PRKG2: variants seen among roughly 807,000 people sequenced by gnomAD.
PRKG2 encodes the protein cGMP-dependent protein kinase 2.
A neutral mutation model predicts 97.2 loss-of-function variants in PRKG2; 33 were observed. That is an observed-to-expected ratio of 0.34 (90% CI 0.26 to 0.45). The LOEUF is 0.45. Ranked by LOEUF, PRKG2 falls within the 20% of genes least tolerant of loss-of-function variation. PRKG2 has a pLI of 1.00. For synonymous variants in PRKG2, 330 were observed against 321.8 expected (o/e 1.03, Z -0.27); for missense variants, 638 against 900.0 (o/e 0.71, Z 3.73).
At chr4:81,091,919 T>G (rs992740691) in intron 18 of PRKG2, among the ~76,000 whole-genome samples, 6 of 152,200 alleles carry the variant, frequency 3.9e-5, no homozygotes, top group African/African-American at 1.4e-4. Flanking sequence ...TCACTTGGGA[T>G]TTAGAAAATT....
At chr4:81,170,357 T>C (rs79496953) in intron 4 of PRKG2, among the ~76,000 whole-genome samples, 3,844 of 152,122 alleles carry the variant, frequency 0.025, 169 homozygotes, top group African/African-American at 0.088. Context: ...TAAGGGCAAG[T>C]ATAAAATTTA....
Position 81,140,654 on chromosome 4 carries a change from C to T in PRKG2, c.1423G>A (p.Glu475Lys). The T allele has an allele frequency of 6.2e-7, 1 of 1,607,826 alleles. No individual in the cohort carries two copies. The highest frequency in any genetic ancestry group is 2.2e-5 in the East Asian group (1 of 44,782). ...CACTTCATAGCAAAAGCAACATTCT[C>T]ATTTTTTACTTTAACCTATGTAAGA... ...GRVELVKVKN[E>K]NVAFAMKCIR... Residue 475 changes from glutamate to lysine, a missense_variant, in exon 12 of 19, where the codon GAG becomes AAG. Transcript: ENST00000264399.
At chr4:81,120,427 A>T (rs1002553222) in intron 14 of PRKG2, among the ~76,000 whole-genome samples, 6 of 152,152 alleles carry the variant, frequency 3.9e-5, no homozygotes, top group African/African-American at 1.4e-4. Context: ...TGAGTCTTTC[A>T]ATCGATGAAC....
At chr4:81,104,255 GA>G in intron 17 of PRKG2, 114 bp downstream of exon 17, 1 of 565,996 alleles carries the variant, frequency 1.8e-6, no homozygotes, top group South Asian at 3.0e-5. Context: ...GCACTATAAA[GA>G]AAAATTTGAA....
At chr4:81,134,169 T>A (rs1578397875) in intron 14 of PRKG2, among the ~76,000 whole-genome samples, 1 of 152,188 alleles carries the variant, frequency 6.6e-6, no homozygotes, top group Admixed American at 6.5e-5. Flanking sequence ...GAGAAAAATA[T>A]CTTAGCATTT....
chr4:81,155,453 T>G (rs963168149), intron 6 of PRKG2, among the ~76,000 whole-genome samples: 1 of 152,012 alleles, frequency 6.6e-6, no homozygotes, highest in Non-Finnish European at 1.5e-5. Flanking sequence ...CTACGTCTGA[T>G]TGGTGTACCT....
At chr4:81,159,044 G>A (rs891690771) in intron 6 of PRKG2, among the ~76,000 whole-genome samples, 2 of 152,028 alleles carry the variant, frequency 1.3e-5, no homozygotes, top group African/African-American at 4.8e-5. Context: ...CGGGACATAG[G>A]CATGGGCAAG....
intron 5 of PRKG2, among the ~76,000 whole-genome samples, chr4:81,169,183 A>G (rs763785522): frequency 4.6e-5 from 7 of 152,056 alleles, no homozygotes; most frequent in Non-Finnish European, 8.8e-5. Context: ...TAGCAAGTCA[A>G]TTTGCTACAA....
At chr4:81,208,316 A>C (rs1753789419) in intron 1 of PRKG2, among the ~76,000 whole-genome samples, 1 of 152,174 alleles carries the variant, frequency 6.6e-6, no homozygotes, top group Non-Finnish European at 1.5e-5. Flanking sequence ...ATAGTATGTA[A>C]CTAGAAACAG....
Position 81,194,427 on chromosome 4 carries a change from G to A in PRKG2, c.461+10160C>T, listed in dbSNP as rs192568412. 4.8e-4 allele frequency among the ~76,000 whole-genome samples: 72 copies of A among 151,232 alleles called. 1 individual carries two copies. In the East Asian group the frequency reaches 0.014, roughly 29 times the overall value. On this transcript the variant is annotated intron_variant, in intron 2 of 18. Transcript: ENST00000264399. ...CCAAAAAAAAAAAAACCTAATAAAT[G>A]CACAAGTTTATAATTTGAGAAACTA... is the stretch of plus-strand genomic sequence containing the variant.
chr4:81,156,327 CAAAG>C (rs1477476872), intron 6 of PRKG2, among the ~76,000 whole-genome samples: 1 of 152,040 alleles, frequency 6.6e-6, no homozygotes, highest in Non-Finnish European at 1.5e-5. Context: ...TCAAAAGAGA[CAAAG>C]AAGGCCATTA....
intron 14 of PRKG2, among the ~76,000 whole-genome samples, chr4:81,134,951 A>C (rs1746528941): frequency 6.6e-6 from 1 of 152,208 alleles, no homozygotes; most frequent in African/African-American, 2.4e-5. Flanking sequence ...TAGGAGTCAC[A>C]AATATGGTTA....
chr4:81,157,368 A>T (rs1749197989), intron 6 of PRKG2, among the ~76,000 whole-genome samples: 1 of 152,228 alleles, frequency 6.6e-6, no homozygotes, highest in Admixed American at 6.5e-5. Flanking sequence ...CACTCTCCCA[A>T]GACTAAACCA....
intron 14 of PRKG2, among the ~76,000 whole-genome samples, chr4:81,118,242 A>G (rs1291787516): frequency 6.6e-6 from 1 of 152,200 alleles, no homozygotes; most frequent in Non-Finnish European, 1.5e-5. Flanking sequence ...TCACCTACTG[A>G]CGGATACTGT....
intron 2 of PRKG2, among the ~76,000 whole-genome samples, chr4:81,189,066 T>TAAAATA (rs1752192390): frequency 4.7e-4 from 8 of 17,056 alleles, no homozygotes; most frequent in African/African-American, 1.6e-3. Flanking sequence ...AAAAAAATAA[T>TAAAATA]AAAAAAAAAA....
intron 17 of PRKG2, among the ~76,000 whole-genome samples, chr4:81,099,794 GA>G (rs1742529782): frequency 1.3e-5 from 2 of 152,190 alleles, no homozygotes; most frequent in South Asian, 4.1e-4. Context: ...CAGATGACAT[GA>G]TTGTGTATCT....
In PRKG2 at chr4:81,131,460, C is replaced by G. The variant is rs114408621; in HGVS notation, c.1776+3695G>C. ...TGAAGTGGTTTTTTAAGATGCTGACCATTTTAAAAAATTGATTTGTCTTTT... is the reference window on the plus strand; with the variant it reads ...TGAAGTGGTTTTTTAAGATGCTGACGATTTTAAAAAATTGATTTGTCTTTT... On this transcript the variant is annotated intron_variant, in intron 14 of 18. Transcript: ENST00000264399. Among the ~76,000 whole-genome samples the G allele has an allele frequency of 4.3e-3, 656 of 152,260 alleles. 4 individuals carry two copies. Among genetic ancestry groups the G allele is most frequent in the African/African-American group, 0.015 (616 of 41,546 alleles).
In PRKG2 at chr4:81,150,933, T is replaced by G. The variant is rs146834658; in HGVS notation, c.1085+1027A>C. Among the ~76,000 whole-genome samples the G allele has an allele frequency of 3.8e-3, 573 of 152,288 alleles. 5 individuals carry two copies. Among genetic ancestry groups the G allele is most frequent in the African/African-American group, 0.013 (540 of 41,572 alleles). ...TAAAGTGGTAAAGAAGAATTCAGCTTATCTTTAAATCCCACTTTTAAATTG... is the reference window on the plus strand; with the variant it reads ...TAAAGTGGTAAAGAAGAATTCAGCTGATCTTTAAATCCCACTTTTAAATTG... On this transcript the variant is annotated intron_variant, in intron 8 of 18. Transcript: ENST00000264399.
intron 6 of PRKG2, chr4:81,154,039 C>A (rs917172668): frequency 5.1e-6 from 1 of 194,698 alleles, no homozygotes; most frequent in East Asian, 1.3e-4. Context: ...CACTCTCACC[C>A]GAATATCGCG....
Sources: allele counts gnomAD v4.1 joint callset (sites outside exome capture counted in the v4.1 genomes callset), GRCh38; gene constraint gnomAD v4.1.1; transcripts MANE v1.5; gene names NCBI Gene and HGNC (gene_info 2026-07-23, HGNC 2026-07-21).